ZFPM1: variants seen among roughly 807,000 people sequenced by gnomAD.
ZFPM1 encodes zinc finger protein ZFPM1.
Under a neutral mutation model 46.3 loss-of-function variants are expected in ZFPM1, and 28 were observed. The observed-to-expected ratio is 0.60, with a 90% CI of 0.45 to 0.83. The LOEUF is 0.83. ZFPM1 is among the 40% of genes least tolerant of loss of function. The probability of loss-of-function intolerance (pLI) is 0.00; values close to 1 mark genes in which losing one functional copy is unlikely to be tolerated. For synonymous variants in ZFPM1, 957 were observed against 675.9 expected (o/e 1.42, Z -6.45); for missense variants, 1,878 against 1,432.4 (o/e 1.31, Z -5.02).
intron 4 of ZFPM1, among the ~76,000 whole-genome samples, chr16:88,517,307 CAGAT>C (rs1183179588): frequency 2.8e-5 from 3 of 108,164 alleles, no homozygotes; most frequent in Non-Finnish European, 5.6e-5. Context: ...GGTGGATGGA[CAGAT>C]GGATGAGTGG....
chr16:88,534,946 C>G lies in ZFPM1; in HGVS notation c.2988C>G (p.Tyr996Ter), dbSNP rs760283489. Reference sequence around the variant, plus strand: ...CCTTCATCGCCCACAAGAAGTATTACTGCTCCTCGCACGCCGCCGAGCACG... The same window carrying G: ...CCTTCATCGCCCACAAGAAGTATTAGTGCTCCTCGCACGCCGCCGAGCACG... Reference protein sequence around the residue: ...LSTFIAHKKYYCSSHAAEHVK With the variant: ...LSTFIAHKKY The change falls in exon 10 of 10, where the codon TAC becomes TAG. Residue 996 changes from tyrosine to a stop codon, truncating the protein, a stop_gained. Transcript: ENST00000319555. LOFTEE classifies it high-confidence loss of function. 1 of 1,526,154 alleles carries G rather than the reference C, an allele frequency of 6.6e-7. No homozygotes were observed. The highest frequency in any genetic ancestry group is 8.8e-7 in the Non-Finnish European group (1 of 1,133,246). The allele number at this position is 1,526,154 out of a possible 1,614,324, so 94.5% of individuals were successfully genotyped here. A position where few individuals can be genotyped will look rare whatever the true frequency, so the allele number is the denominator to read the frequency against.
intron 4 of ZFPM1, among the ~76,000 whole-genome samples, chr16:88,516,797 G>A (rs1398335856): frequency 6.6e-6 from 1 of 152,152 alleles, no homozygotes; most frequent in African/African-American, 2.4e-5. Flanking sequence ...TTCTCTCTTT[G>A]TAGAAGGAGA....
At chr16:88,454,032 G>A (rs1463488797) in intron 1 of ZFPM1, among the ~76,000 whole-genome samples, 1 of 152,226 alleles carries the variant, frequency 6.6e-6, no homozygotes, top group Non-Finnish European at 1.5e-5. Context: ...CTCAGATAAA[G>A]TTTAAAATAT....
chr16:88,521,285 C>T (rs926460888), intron 4 of ZFPM1, among the ~76,000 whole-genome samples: 1 of 151,664 alleles, frequency 6.6e-6, no homozygotes, highest in African/African-American at 2.4e-5. Flanking sequence ...GGAGAGTGGC[C>T]TGACTCAGCT....
intron 3 of ZFPM1, among the ~76,000 whole-genome samples, chr16:88,503,725 C>T (rs1015157692): frequency 4.6e-5 from 7 of 152,182 alleles, no homozygotes; most frequent in Non-Finnish European, 8.8e-5. Context: ...TCACAGTTCA[C>T]GGAAGCACCT....
chr16:88,514,346 C>A, intron 3 of ZFPM1, 41 bp from the exon 4 acceptor site: 1 of 1,552,472 alleles, frequency 6.4e-7, no homozygotes. Flanking sequence ...TGGACAGGCC[C>A]CAGACCGGGC....
intron 3 of ZFPM1, 82 bp from the exon 4 acceptor site, chr16:88,514,305 C>T (rs1417407237): frequency 3.0e-5 from 46 of 1,527,384 alleles, no homozygotes; most frequent in Non-Finnish European, 3.9e-5. Flanking sequence ...CCCTCCACTG[C>T]CCCTTGGGCC....
chr16:88,524,010 A>G (rs1417115080), intron 4 of ZFPM1, among the ~76,000 whole-genome samples: 1 of 152,220 alleles, frequency 6.6e-6, no homozygotes, highest in African/African-American at 2.4e-5. Context: ...GCGTGTTTTT[A>G]TCATGCTGGG....
At chr16:88,489,876 G>A (rs1315454475) in intron 3 of ZFPM1, among the ~76,000 whole-genome samples, 5 of 152,116 alleles carry the variant, frequency 3.3e-5, no homozygotes, top group East Asian at 1.9e-4. Context: ...CCGCAGTAGC[G>A]TCTGGGGTGG....
chr16:88,523,875 G>A (rs1019334333), intron 4 of ZFPM1, among the ~76,000 whole-genome samples: 16 of 152,156 alleles, frequency 1.1e-4, no homozygotes, highest in South Asian at 6.2e-4. Flanking sequence ...CAGGCCAGGC[G>A]CCCCGTCGCG....
chr16:88,513,960 A>G (rs1403427283), intron 3 of ZFPM1, among the ~76,000 whole-genome samples: 1 of 152,204 alleles, frequency 6.6e-6, no homozygotes, highest in East Asian at 1.9e-4. Context: ...CCTTAATCTA[A>G]TTGCATTTGC....
chr16:88,489,145 G>T lies in ZFPM1; in HGVS notation c.260G>T (p.Ser87Ile). The change falls in exon 3 of 10, where the codon AGC becomes ATC. Residue 87 changes from serine to isoleucine, a missense_variant. Transcript: ENST00000319555. ...PTEEEPGSPW[S>I]GPDELEPVVQ... ...GAGGAAGAGCCGGGCAGTCCCTGGAGCGGGCCAGGTAACCACGCGGGTGGT... is the reference window on the plus strand; with the variant it reads ...GAGGAAGAGCCGGGCAGTCCCTGGATCGGGCCAGGTAACCACGCGGGTGGT... 1 of 1,603,094 alleles carries T rather than the reference G, an allele frequency of 6.2e-7. No individual in the cohort carries two copies. The highest frequency in any genetic ancestry group is 8.5e-7 in the Non-Finnish European group (1 of 1,175,308).
intron 3 of ZFPM1, among the ~76,000 whole-genome samples, chr16:88,501,603 G>T (rs1232501877): frequency 7.2e-6 from 1 of 138,996 alleles, no homozygotes; most frequent in Non-Finnish European, 1.6e-5. Flanking sequence ...CTCTCCCGCA[G>T]GTACTGGTGA....
intron 1 of ZFPM1, among the ~76,000 whole-genome samples, chr16:88,457,603 C>CTG (rs929670711): frequency 3.1e-4 from 47 of 152,268 alleles, no homozygotes; most frequent in African/African-American, 1.1e-3. Flanking sequence ...TCTCAGAGTC[C>CTG]TGATCCCAGC....
At chr16:88,519,553 TGGATGGATGGATGGATGGATGAATGGGA>T (rs1245141744) in intron 4 of ZFPM1, among the ~76,000 whole-genome samples, 1 of 139,780 alleles carries the variant, frequency 7.2e-6, no homozygotes, top group African/African-American at 3.0e-5. Flanking sequence ...GCTGAAAGGA[TGGATGGATGGATGGATGGATGAATGGGA>T]GGGTGGGTGG....
chr16:88,513,038 G>A (rs568846438), intron 3 of ZFPM1: 1 of 152,286 alleles, frequency 6.6e-6, no homozygotes, highest in African/African-American at 2.4e-5. Flanking sequence ...CGGGGTGCTA[G>A]CTGGCCCGTG....
intron 2 of ZFPM1, among the ~76,000 whole-genome samples, chr16:88,488,377 C>T (rs866693472): frequency 9.9e-5 from 15 of 152,212 alleles, no homozygotes; most frequent in Non-Finnish European, 1.8e-4. Context: ...TGGCGATGGG[C>T]GCGATAACAC....
intron 1 of ZFPM1, among the ~76,000 whole-genome samples, chr16:88,475,520 G>GC (rs894570663): frequency 1.2e-4 from 18 of 152,144 alleles, no homozygotes; most frequent in Admixed American, 7.8e-4. Context: ...GTCCGGGGGG[G>GC]GGAGCACAGC....
chr16:88,500,896 C>T (rs923685396), intron 3 of ZFPM1, among the ~76,000 whole-genome samples: 5 of 152,248 alleles, frequency 3.3e-5, no homozygotes, highest in Admixed American at 6.5e-5. Context: ...GACGGCACCT[C>T]GGTGTCCTCA....
Sources: allele counts gnomAD v4.1 joint callset (sites outside exome capture counted in the v4.1 genomes callset), GRCh38; gene constraint gnomAD v4.1.1; transcripts MANE v1.5; gene names NCBI Gene and HGNC (gene_info 2026-07-23, HGNC 2026-07-21).